The following LDB3 variants were observed in gnomAD, a reference collection of about 807,000 sequenced individuals.
LDB3 encodes the protein LIM domain-binding protein 3.
In LDB3, 49 loss-of-function variants were observed where a neutral mutation model predicts 69.0. The ratio of observed to expected loss-of-function variants is 0.71; its 90% CI spans 0.56 to 0.90. The LOEUF is 0.90. LDB3 is among the 40% of genes least tolerant of loss of function. The pLI, the probability that LDB3 is intolerant of heterozygous loss-of-function variation, is 0.00. For missense variants in LDB3, 928 were observed against 974.1 expected (o/e 0.95, Z 0.63); for synonymous variants, 387 against 396.2 (o/e 0.98, Z 0.28).
At chr10:86,679,339 T>C (rs1589617616) in intron 2 of LDB3, 28 bp from the exon 3 acceptor site, 10 of 1,613,938 alleles carry the variant, frequency 6.2e-6, no homozygotes, top group Non-Finnish European at 8.5e-6. Flanking sequence ...TTCCTTATGC[T>C]CACCCCCCAC....
chr10:86,690,069 C>A (rs536870156), intron 5 of LDB3, among the ~76,000 whole-genome samples: 3 of 152,162 alleles, frequency 2.0e-5, no homozygotes, highest in East Asian at 1.9e-4. Context: ...TTTCTTGAAC[C>A]CTTGGAGCCA....
chr10:86,685,085 C>T (rs1263256585), intron 5 of LDB3, among the ~76,000 whole-genome samples: 1 of 152,168 alleles, frequency 6.6e-6, no homozygotes, highest in Non-Finnish European at 1.5e-5. Context: ...TCCCCTATAC[C>T]CCAAGAGGAG....
In LDB3 at chr10:86,734,532, C is replaced by T. The variant is rs559496062; in HGVS notation, c.*1556C>T. The T allele has an allele frequency of 1.3e-5, 2 of 152,344 alleles. No homozygotes were observed. Among genetic ancestry groups the T allele is most frequent in the Admixed American group, 1.3e-4 (2 of 15,302 alleles). 9.4% of individuals were successfully genotyped at this position (152,344 alleles called of 1,614,324 possible). On this transcript the variant is annotated 3_prime_UTR_variant, in exon 14 of 14. Coordinates refer to ENST00000361373, the MANE Select transcript of LDB3 (RefSeq NM_007078.3). Reference sequence around the variant, plus strand: ...GTCCTCACTCCTGTTTTGGATTTTTCTCTTTGCATGTTTGAAATGTTTTAT... The same window carrying T: ...GTCCTCACTCCTGTTTTGGATTTTTTTCTTTGCATGTTTGAAATGTTTTAT...
intron 8 of LDB3, among the ~76,000 whole-genome samples, chr10:86,707,749 C>T (rs1434652558): frequency 1.3e-5 from 2 of 152,186 alleles, no homozygotes; most frequent in Non-Finnish European, 2.9e-5. Context: ...GGCCTGTCTG[C>T]TGCCCCCATC....
upstream of LDB3, chr10:86,666,820 G>C (rs1844203452): frequency 4.2e-6 from 2 of 470,856 alleles, no homozygotes; most frequent in Non-Finnish European, 8.8e-6. Context: ...GCAGGAGCCA[G>C]AGGCCAGAGA....
intron 7 of LDB3, among the ~76,000 whole-genome samples, chr10:86,696,137 T>G (rs1845985059): frequency 6.6e-6 from 1 of 152,320 alleles, no homozygotes; most frequent in African/African-American, 2.4e-5. Context: ...CAGGGCTCAC[T>G]GGCTCCCCCT....
In LDB3 at chr10:86,691,228, C is replaced by T. The variant is rs541068601; in HGVS notation, c.690-668C>T. On this transcript the variant is annotated intron_variant, in intron 5 of 13. Coordinates refer to ENST00000361373, the MANE Select transcript of LDB3 (RefSeq NM_007078.3). ...GAGCCTAAGGGAAGGTCACCTGGTC[C>T]TCCACAAAGGGCTGCGCTTCTCTGG... Among the ~76,000 whole-genome samples the T allele has an allele frequency of 3.3e-5, 5 of 152,346 alleles. No individual in the cohort carries two copies. The East Asian group carries it at 9.6e-4, about 29-fold the overall frequency.
chr10:86,679,455 C>T lies in LDB3; in HGVS notation c.182C>T (p.Thr61Ile). The T allele has an allele frequency of 6.2e-7, 1 of 1,614,146 alleles. No homozygotes were observed. Among genetic ancestry groups the T allele is most frequent in the Non-Finnish European group, 8.5e-7 (1 of 1,180,022 alleles). The change falls in exon 3 of 14, where the codon ACC (threonine) becomes ATC (isoleucine). Residue 61 changes from threonine to isoleucine, a missense_variant. Transcript: ENST00000361373. ...GACGGCGTCAACACAGACACCATGA[C>T]CCACCTGGAAGCCCAGAACAAGATC... is the stretch of plus-strand genomic sequence containing the variant. ...AIDGVNTDTM[T>I]HLEAQNKIKS...
intron 5 of LDB3, among the ~76,000 whole-genome samples, chr10:86,684,132 A>T (rs1845318188): frequency 6.6e-6 from 1 of 152,260 alleles, no homozygotes; most frequent in Admixed American, 6.5e-5. Flanking sequence ...GTGCAAGGGC[A>T]GACGGGCATA....
At chr10:86,684,071 A>G (rs78622740) in intron 5 of LDB3, among the ~76,000 whole-genome samples, 2,154 of 152,326 alleles carry the variant, frequency 0.014, 62 homozygotes, top group African/African-American at 0.05. Context: ...TTGCAGTGCA[A>G]TTCTTTGGCA....
chr10:86,692,463 C>A, intron 6 of LDB3, 72 bp from the exon 7 acceptor site: 2 of 1,459,868 alleles, frequency 1.4e-6, no homozygotes, highest in Non-Finnish European at 1.9e-6. Context: ...GGACTCAGTG[C>A]CCACAGAGCC....
chr10:86,712,752 C>T (rs183030653), intron 9 of LDB3, among the ~76,000 whole-genome samples: 3 of 152,180 alleles, frequency 2.0e-5, no homozygotes, highest in African/African-American at 4.8e-5. Flanking sequence ...AATATATTTT[C>T]TTTGACTACA....
chr10:86,733,192 G>T lies in LDB3; in HGVS notation c.*216G>T, dbSNP rs1311221825. 3.8e-6 allele frequency: 2 copies of T among 530,194 alleles called. No homozygotes were observed. Among genetic ancestry groups the T allele is most frequent in the Non-Finnish European group, 6.8e-6 (2 of 292,782 alleles). The allele number at this position is 530,194 out of a possible 1,614,324, so 32.8% of individuals were successfully genotyped here. A position where few individuals can be genotyped will look rare whatever the true frequency, so the allele number is the denominator to read the frequency against. On this transcript the variant is annotated 3_prime_UTR_variant, in exon 14 of 14. Transcript: ENST00000361373. ...CAAATGAAGACTCAAAACCAAGCTA[G>T]TTATTAATCCAAGACTGGAATTGTA...
At chr10:86,680,189 C>T (rs1167851618) in intron 4 of LDB3, 32 bp downstream of exon 4, 6 of 1,597,302 alleles carry the variant, frequency 3.8e-6, no homozygotes, top group Non-Finnish European at 5.1e-6. Context: ...GGGGTCCACT[C>T]AGCCCTGGTT....
At chr10:86,717,920 G>A (rs758407870) in intron 10 of LDB3, 44 bp from the exon 11 acceptor site, 2 of 1,595,068 alleles carry the variant, frequency 1.3e-6, no homozygotes, top group Admixed American at 1.7e-5. Flanking sequence ...CTAATTCCAA[G>A]TTCTGGGAGC....
chr10:86,709,339 G>A (rs757010924), intron 8 of LDB3, among the ~76,000 whole-genome samples: 3 of 152,170 alleles, frequency 2.0e-5, no homozygotes, highest in Non-Finnish European at 4.4e-5. Flanking sequence ...CCAGTTGGAG[G>A]AGGGCAACAG....
At chr10:86,696,398 G>A (rs995499448) in intron 7 of LDB3, among the ~76,000 whole-genome samples, 4 of 152,246 alleles carry the variant, frequency 2.6e-5, no homozygotes, top group Admixed American at 1.3e-4. Context: ...CAGGGATGTT[G>A]CCCCAGGTGC....
chr10:86,691,225 G>A (rs1192461999), intron 5 of LDB3, among the ~76,000 whole-genome samples: 2 of 152,218 alleles, frequency 1.3e-5, no homozygotes, highest in Non-Finnish European at 2.9e-5. Flanking sequence ...AGGTCACCTG[G>A]TCCTCCACAA....
chr10:86,733,032 A>C lies in LDB3; in HGVS notation c.*56A>C, dbSNP rs1399605849. On this transcript the variant is annotated 3_prime_UTR_variant, in exon 14 of 14. Transcript: ENST00000361373. ...CGGAGCTGCTCCTGCTGCTGGCAAC[A>C]AAGGATTCGGGAGGCTGATGTTTCT... is the stretch of plus-strand genomic sequence containing the variant. 7.9e-7 allele frequency: 1 copy of C among 1,264,136 alleles called. No homozygotes were observed. The highest frequency in any genetic ancestry group is 2.4e-5 in the East Asian group (1 of 41,428). 78.3% of individuals were successfully genotyped at this position (1,264,136 alleles called of 1,614,324 possible). A position where few individuals can be genotyped will look rare whatever the true frequency, so the allele number is the denominator to read the frequency against.
Sources: gnomAD v4.1 joint callset for allele counts (sites outside exome capture counted in the v4.1 genomes callset) on GRCh38, gnomAD v4.1.1 for gene constraint, MANE v1.5 for transcripts, NCBI Gene and HGNC (gene_info 2026-07-23, HGNC 2026-07-21) for gene names.